The following PCDH7 variants were observed in gnomAD, a reference collection of about 807,000 sequenced individuals.
The protein encoded by PCDH7 is protocadherin-7.
A neutral mutation model predicts 58.9 loss-of-function variants in PCDH7; 17 were observed. The observed-to-expected ratio is 0.29, with a 90% confidence interval of 0.20 to 0.43. PCDH7 has a LOEUF of 0.43. PCDH7 is among the 20% of genes least tolerant of loss of function. The pLI is 1.00. For missense variants in PCDH7, 1,274 were observed against 1,441.0 expected (o/e 0.88, Z 1.88); for synonymous variants, 664 against 616.4 (o/e 1.08, Z -1.14).
At chr4:30,781,391 C>T (rs1053495199) in intron 1 of PCDH7, among the ~76,000 whole-genome samples, 9 of 152,176 alleles carry the variant, frequency 5.9e-5, no homozygotes, top group Middle Eastern at 3.4e-3. Context: ...CCGCCGGCCT[C>T]GGCCTCCCAA....
At chr4:30,877,553 A>G (rs1736448678) in intron 1 of PCDH7, among the ~76,000 whole-genome samples, 1 of 152,196 alleles carries the variant, frequency 6.6e-6, no homozygotes, top group South Asian at 2.1e-4. Context: ...GTCTAGACAG[A>G]TCACCTATCC....
intron 3 of PCDH7, among the ~76,000 whole-genome samples, chr4:30,955,142 C>T (rs1459596929): frequency 6.6e-6 from 1 of 151,940 alleles, no homozygotes; most frequent in Non-Finnish European, 1.5e-5. Flanking sequence ...GAGGTATACA[C>T]AGATGATTCT....
chr4:31,078,879 C>T (rs1759235667), intron 3 of PCDH7, among the ~76,000 whole-genome samples: 1 of 151,786 alleles, frequency 6.6e-6, no homozygotes, highest in Non-Finnish European at 1.5e-5. Context: ...ACAAAACAAA[C>T]AAATGCAACA....
At chr4:31,007,470 A>G (rs1334159528) in intron 3 of PCDH7, among the ~76,000 whole-genome samples, 1 of 152,204 alleles carries the variant, frequency 6.6e-6, no homozygotes, top group Non-Finnish European at 1.5e-5. Context: ...CCTAGCATAA[A>G]AGAATACATT....
chr4:30,953,461 A>T (rs1747558917), intron 3 of PCDH7, among the ~76,000 whole-genome samples: 1 of 152,066 alleles, frequency 6.6e-6, no homozygotes, highest in African/African-American at 2.4e-5. Flanking sequence ...CATTTGGTGA[A>T]AAATGGTCTT....
intron 3 of PCDH7, among the ~76,000 whole-genome samples, chr4:31,062,085 T>C (rs947252754): frequency 6.6e-6 from 1 of 151,790 alleles, no homozygotes; most frequent in Non-Finnish European, 1.5e-5. Flanking sequence ...GATACTCATG[T>C]AGTTTGTATG....
At chr4:31,121,465 A>C (rs1450034139) in intron 3 of PCDH7, among the ~76,000 whole-genome samples, 1 of 152,210 alleles carries the variant, frequency 6.6e-6, no homozygotes, top group Non-Finnish European at 1.5e-5. Flanking sequence ...TTATTTATTT[A>C]AGTCCGATAT....
chr4:30,846,046 C>T (rs996041268), intron 1 of PCDH7, among the ~76,000 whole-genome samples: 1 of 152,112 alleles, frequency 6.6e-6, no homozygotes, highest in African/African-American at 2.4e-5. Flanking sequence ...TAATGGTAGT[C>T]TAATGAGCAG....
At chr4:31,135,605 C>A (rs1388116953) in intron 3 of PCDH7, among the ~76,000 whole-genome samples, 1 of 152,052 alleles carries the variant, frequency 6.6e-6, no homozygotes, top group Non-Finnish European at 1.5e-5. Flanking sequence ...TATCTGAAAC[C>A]CTTGGAGCCA....
chr4:30,862,242 T>C (rs1734299291), intron 1 of PCDH7, among the ~76,000 whole-genome samples: 1 of 152,172 alleles, frequency 6.6e-6, no homozygotes, highest in South Asian at 2.1e-4. Context: ...ACAGTGGTGA[T>C]GAAAACCAAA....
intron 1 of PCDH7, among the ~76,000 whole-genome samples, chr4:30,748,781 T>C (rs533468815): frequency 1.4e-4 from 22 of 152,250 alleles, no homozygotes; most frequent in Non-Finnish European, 2.8e-4. Flanking sequence ...AGGGTTAAAT[T>C]TGATAATGAT....
chr4:30,842,502 A>C (rs1209514826), intron 1 of PCDH7, among the ~76,000 whole-genome samples: 1 of 152,180 alleles, frequency 6.6e-6, no homozygotes, highest in Non-Finnish European at 1.5e-5. Context: ...AGGACCAAAA[A>C]TATTTATATG....
At chr4:30,867,427 G>A (rs192909132) in intron 1 of PCDH7, among the ~76,000 whole-genome samples, 219 of 152,028 alleles carry the variant, frequency 1.4e-3, no homozygotes, top group African/African-American at 5.2e-3. Flanking sequence ...TATACTTCAG[G>A]GCACCTAATA....
intron 1 of PCDH7, among the ~76,000 whole-genome samples, chr4:30,812,402 C>A (rs1270296989): frequency 6.6e-6 from 1 of 152,052 alleles, no homozygotes; most frequent in Non-Finnish European, 1.5e-5. Flanking sequence ...AACATTTTGA[C>A]CCCCAGAAAT....
At chr4:30,726,105 TTG>T (rs1402870167) in intron 1 of PCDH7, among the ~76,000 whole-genome samples, 1 of 152,118 alleles carries the variant, frequency 6.6e-6, no homozygotes, top group African/African-American at 2.4e-5. Flanking sequence ...TGTTGTATTA[TTG>T]TGTTACATGG....
chr4:31,128,793 A>G (rs1278591043), intron 3 of PCDH7, among the ~76,000 whole-genome samples: 1 of 152,156 alleles, frequency 6.6e-6, no homozygotes, highest in African/African-American at 2.4e-5. Context: ...GTTATAAAAC[A>G]CTTCCATGGG....
intron 3 of PCDH7, among the ~76,000 whole-genome samples, chr4:31,027,527 A>T (rs1754533956): frequency 6.6e-6 from 1 of 151,954 alleles, no homozygotes; most frequent in African/African-American, 2.4e-5. Context: ...GGTTCAAGGG[A>T]TTCTCCTGCC....
intron 1 of PCDH7, among the ~76,000 whole-genome samples, chr4:30,843,778 C>T (rs1351934931): frequency 2.0e-5 from 3 of 151,940 alleles, no homozygotes; most frequent in Non-Finnish European, 4.4e-5. Context: ...CTTATCAGTA[C>T]GAAAATCTAT....
At chr4:30,904,641 C>T (rs1740676115) in intron 1 of PCDH7, among the ~76,000 whole-genome samples, 2 of 152,134 alleles carry the variant, frequency 1.3e-5, no homozygotes, top group Admixed American at 1.3e-4. Context: ...TCAATTATTT[C>T]CCTGCAGTCA....
Sources: allele counts gnomAD v4.1 joint callset (sites outside exome capture counted in the v4.1 genomes callset), GRCh38; gene constraint gnomAD v4.1.1; transcripts MANE v1.5; gene names NCBI Gene and HGNC (gene_info 2026-07-23, HGNC 2026-07-21).